Variants in MYO16 observed in about 807,000 individuals in gnomAD.
MYO16 encodes myosin XVI, also known as unconventional myosin-XVI.
A neutral mutation model predicts 205.3 loss-of-function variants in MYO16; 94 were observed. That is an observed-to-expected ratio of 0.46 (90% CI 0.39 to 0.54). The LOEUF (loss-of-function observed/expected upper bound fraction) is 0.54. Among genes scored for constraint, MYO16 ranks in the 20% least tolerant of loss-of-function variants. The pLI, the probability that MYO16 is intolerant of heterozygous loss-of-function variation, is 0.00. For missense variants in MYO16, 2,315 were observed against 2,387.5 expected (o/e 0.97, Z 0.63); for synonymous variants, 988 against 954.0 (o/e 1.04, Z -0.66).
chr13:108,932,871 A>G (rs1294443858), intron 16 of MYO16, among the ~76,000 whole-genome samples: 6 of 152,144 alleles, frequency 3.9e-5, no homozygotes, highest in Non-Finnish European at 4.4e-5. Context: ...ATCAGGTGGC[A>G]GTCTGTGGGG....
At chr13:108,852,734 T>TA (rs2139093913) in intron 10 of MYO16, among the ~76,000 whole-genome samples, 1 of 152,266 alleles carries the variant, frequency 6.6e-6, no homozygotes, top group African/African-American at 2.4e-5. Flanking sequence ...CATGTGTTAC[T>TA]AAGGGCACTA....
Position 109,207,016 on chromosome 13 carries a change from G to A in MYO16, c.*180G>A. On this transcript the variant is annotated 3_prime_UTR_variant, in exon 35 of 35. Transcript: ENST00000457511. ...TGTGTGTGTGTGTGTTTGTGTGTGTGTGTGTGGGTTCTTTCTTATCCATCT... is the reference window on the plus strand; with the variant it reads ...TGTGTGTGTGTGTGTTTGTGTGTGTATGTGTGGGTTCTTTCTTATCCATCT... 3 of 559,710 alleles carry A rather than the reference G, an allele frequency of 5.4e-6. No individual in the cohort carries two copies. Among genetic ancestry groups the A allele is most frequent in the East Asian group, 2.9e-5 (1 of 34,928 alleles). 34.7% of individuals were successfully genotyped at this position (559,710 alleles called of 1,614,324 possible). A position where few individuals can be genotyped will look rare whatever the true frequency, so the allele number is the denominator to read the frequency against.
the MYO16 span, among the ~76,000 whole-genome samples, chr13:108,510,751 A>G: frequency 1.0e-3 from 9 of 8,642 alleles, no homozygotes; most frequent in African/African-American, 5.0e-3. Flanking sequence ...GTGATAGTTT[A>G]CTGAGAATGA....
chr13:109,190,989 C>T (rs1226509628), intron 34 of MYO16, among the ~76,000 whole-genome samples: 1 of 151,962 alleles, frequency 6.6e-6, no homozygotes, highest in Admixed American at 6.6e-5. Context: ...GAGGCTGAGG[C>T]GGGCGGATCA....
chr13:109,119,841 T>C (rs75959862), intron 28 of MYO16, among the ~76,000 whole-genome samples: 25 of 152,358 alleles, frequency 1.6e-4, no homozygotes, highest in Non-Finnish European at 1.6e-4. Context: ...CTTTTAAACT[T>C]TAGTTCTGAA....
At chr13:108,909,349 T>C (rs1172852416) in intron 15 of MYO16, among the ~76,000 whole-genome samples, 1 of 121,580 alleles carries the variant, frequency 8.2e-6, no homozygotes, top group Admixed American at 9.1e-5. Flanking sequence ...TTACCGCACA[T>C]GTGTGGTGAG....
chr13:108,559,124 G>A, the MYO16 span, among the ~76,000 whole-genome samples: 1 of 152,058 alleles, frequency 6.6e-6, no homozygotes, highest in Non-Finnish European at 1.5e-5. Context: ...CTTTACAGAT[G>A]TAATCAAGTT....
intron 22 of MYO16, among the ~76,000 whole-genome samples, chr13:109,010,194 A>G (rs1270655256): frequency 6.6e-6 from 1 of 152,220 alleles, no homozygotes; most frequent in African/African-American, 2.4e-5. Context: ...AACCTTTCAC[A>G]TGGAGTAGAG....
At chr13:108,789,051 T>G (rs1266691836) in intron 5 of MYO16, among the ~76,000 whole-genome samples, 1 of 152,214 alleles carries the variant, frequency 6.6e-6, no homozygotes, top group Admixed American at 6.5e-5. Context: ...AAGAATATCC[T>G]TGTAGCTTAA....
chr13:108,526,200 T>A, the MYO16 span, among the ~76,000 whole-genome samples: 1 of 152,192 alleles, frequency 6.6e-6, no homozygotes, highest in Non-Finnish European at 1.5e-5. Flanking sequence ...CTATATCTGA[T>A]GAAAAATTTA....
intron 1 of MYO16, among the ~76,000 whole-genome samples, chr13:108,657,138 G>A (rs543513728): frequency 4.3e-3 from 657 of 152,262 alleles, no homozygotes; most frequent in Middle Eastern, 0.024. Context: ...TACAGAAATT[G>A]CCAAAATATT....
intron 16 of MYO16, among the ~76,000 whole-genome samples, chr13:108,943,679 G>C (rs906555434): frequency 8.5e-5 from 13 of 152,188 alleles, no homozygotes; most frequent in African/African-American, 2.6e-4. Context: ...TCGAACTCCT[G>C]ACCTCAAGTG....
At chr13:109,048,586 T>G (rs1360114130) in intron 24 of MYO16, 3 of 373,000 alleles carry the variant, frequency 8.0e-6, no homozygotes, top group Non-Finnish European at 1.5e-5. Flanking sequence ...TGGGCCATGT[T>G]TGGCTCAGGA....
chr13:108,670,647 C>A (rs1377275378), intron 2 of MYO16, among the ~76,000 whole-genome samples: 2 of 152,154 alleles, frequency 1.3e-5, no homozygotes, highest in African/African-American at 4.8e-5. Context: ...AAAATAAGAA[C>A]TACAAAGAAG....
intron 11 of MYO16, among the ~76,000 whole-genome samples, chr13:108,856,443 C>G (rs1476909437): frequency 1.3e-5 from 2 of 152,122 alleles, no homozygotes; most frequent in Admixed American, 6.5e-5. Flanking sequence ...TGCAATGTAG[C>G]ATCTTAATGC....
At chr13:109,068,434 T>G (rs1455159000) in intron 27 of MYO16, among the ~76,000 whole-genome samples, 1 of 152,198 alleles carries the variant, frequency 6.6e-6, no homozygotes, top group Non-Finnish European at 1.5e-5. Flanking sequence ...TGTTTTACTT[T>G]CTGGAACTGC....
At chr13:109,161,079 G>A (rs1219049344) in intron 32 of MYO16, among the ~76,000 whole-genome samples, 1 of 152,182 alleles carries the variant, frequency 6.6e-6, no homozygotes, top group African/African-American at 2.4e-5. Flanking sequence ...CTGGGAGAAG[G>A]GTGTTTATGA....
intron 27 of MYO16, among the ~76,000 whole-genome samples, chr13:109,057,716 G>T (rs1265351770): frequency 2.6e-5 from 4 of 152,018 alleles, no homozygotes; most frequent in African/African-American, 7.2e-5. Context: ...GATGGCCTTT[G>T]GTTCGAGTTT....
At chr13:109,115,482 T>G (rs1426273548) in intron 28 of MYO16, among the ~76,000 whole-genome samples, 1 of 152,180 alleles carries the variant, frequency 6.6e-6, no homozygotes, top group African/African-American at 2.4e-5. Flanking sequence ...CATCTAGCAG[T>G]GCACAGGGAG....
Sources: gnomAD v4.1 joint callset for allele counts (sites outside exome capture counted in the v4.1 genomes callset) on GRCh38, gnomAD v4.1.1 for gene constraint, MANE v1.5 for transcripts, NCBI Gene and HGNC (gene_info 2026-07-23, HGNC 2026-07-21) for gene names.